DOT1L: variants seen among roughly 807,000 people sequenced by gnomAD.
DOT1L encodes DOT1 like histone lysine methyltransferase, also known as histone-lysine N-methyltransferase, H3 lysine-79 specific.
A neutral mutation model predicts 153.3 loss-of-function variants in DOT1L; 33 were observed. The observed-to-expected ratio is 0.22, with a 90% confidence interval of 0.16 to 0.29. The LOEUF (loss-of-function observed/expected upper bound fraction) is 0.29. Among genes scored for constraint, DOT1L ranks in the 10% least tolerant of loss-of-function variants. The pLI, the probability that DOT1L is intolerant of heterozygous loss-of-function variation, is 1.00. For missense variants in DOT1L, 1,847 were observed against 2,119.9 expected (o/e 0.87, Z 2.53); for synonymous variants, 1,135 against 965.1 (o/e 1.18, Z -3.26).
intron 27 of DOT1L, chr19:2,227,956 GC>G: frequency 8.0e-7 from 1 of 1,244,744 alleles, no homozygotes; most frequent in Non-Finnish European, 1.0e-6. Flanking sequence ...GCGCACCTGG[GC>G]CGGTCCCCCG....
rs764534851 is a variant in DOT1L at position 2,227,034 on chromosome 19, G to A, written c.4513G>A (p.Ala1505Thr). 6 of 1,581,642 alleles carry A rather than the reference G, an allele frequency of 3.8e-6. No homozygotes were observed. The highest frequency in any genetic ancestry group is 1.1e-5 in the South Asian group (1 of 88,932). Residue 1505 changes from alanine to threonine, a missense_variant, in exon 27 of 28, where the codon GCA (alanine) becomes ACA (threonine). By Grantham distance (58) the Ala-to-Thr change is moderately conservative. Transcript: ENST00000398665. The part of the protein sequence containing the change: ...QSLFSSVPAA[A>T]GLVHVSSAAT... ...GCTGTTCAGCTCTGTGCCGGCCGCC[G>A]CAGGCCTGGTGCACGTGTCGTCCGC...
intron 9 of DOT1L, among the ~76,000 whole-genome samples, 193 bp from the exon 10 acceptor site, chr19:2,206,536 A>AG (rs923575082): frequency 2.0e-5 from 3 of 151,928 alleles, no homozygotes; most frequent in African/African-American, 7.3e-5. Flanking sequence ...AAAAAAAAAA[A>AG]AAAAAAAAGT....
chr19:2,208,759 G>T lies in DOT1L; in HGVS notation c.964-176G>T, dbSNP rs549489123. 6.6e-6 allele frequency among the ~76,000 whole-genome samples: 1 copy of T among 152,240 alleles called. No individual in the cohort carries two copies. The highest frequency in any genetic ancestry group is 2.1e-4 in the South Asian group (1 of 4,828). The stretch of plus-strand genomic sequence containing the variant: ...TGAGGGTGACGCCTGGCCACAGCTG[G>T]GTTAGTCACATCCGCGTTTGCCACT... On this transcript the variant is annotated intron_variant, in intron 11 of 27. Transcript: ENST00000398665. This position sits in a 1 kb window ranked among gnomAD's most constrained non-coding sequence, Gnocchi z 4.4.
intron 2 of DOT1L, among the ~76,000 whole-genome samples, chr19:2,181,360 G>A (rs945609424): frequency 6.6e-6 from 1 of 152,182 alleles, no homozygotes; most frequent in Non-Finnish European, 1.5e-5. Flanking sequence ...TTGCTGGTCT[G>A]TTCCTTAGCA....
At chr19:2,214,041 CG>C in intron 18 of DOT1L, 55 bp downstream of exon 18, 1 of 1,573,854 alleles carries the variant, frequency 6.4e-7, no homozygotes, top group Non-Finnish European at 8.6e-7. Flanking sequence ...CCTGCCTGGG[CG>C]GGTGTGTCCT....
chr19:2,229,925 G>C lies in DOT1L; in HGVS notation c.*133G>C. On this transcript the variant is annotated 3_prime_UTR_variant, in exon 28 of 28. Transcript: ENST00000398665. ...CAAGGACGGACGGGAGCTCCACTGT[G>C]AATCGGCGGCACGCGCCGCAGGAGG... 6.5e-7 allele frequency: 1 copy of C among 1,527,272 alleles called. No individual in the cohort carries two copies. Among genetic ancestry groups the C allele is most frequent in the South Asian group, 1.1e-5 (1 of 88,992 alleles). The allele number at this position is 1,527,272 out of a possible 1,614,324, so 94.6% of individuals were successfully genotyped here.
chr19:2,201,439 T>C (rs2023278356), intron 8 of DOT1L, among the ~76,000 whole-genome samples: 1 of 152,218 alleles, frequency 6.6e-6, no homozygotes, highest in African/African-American at 2.4e-5. Context: ...TTCCCTGTGC[T>C]CTTCTTCCTC....
chr19:2,228,901 C>A, intron 27 of DOT1L: 1 of 985,394 alleles, frequency 1.0e-6, no homozygotes, highest in East Asian at 1.1e-4. Context: ...GCCTCGGATG[C>A]CCTCATAGGG....
At chr19:2,228,083 G>T (rs765445944) in intron 27 of DOT1L, 3 of 1,332,638 alleles carry the variant, frequency 2.3e-6, no homozygotes, top group Non-Finnish European at 3.0e-6. Flanking sequence ...CGTCCCTCCC[G>T]CCTAACCAAG....
rs548658346 is a variant in DOT1L, at chr19:2,190,039, G to A, written c.264+244G>A. On this transcript the variant is annotated intron_variant, in intron 4 of 27. Coordinates refer to ENST00000398665, the MANE Select transcript of DOT1L (RefSeq NM_032482.3). This position sits in a 1 kb window ranked among gnomAD's most constrained non-coding sequence, Gnocchi z 4.8. ...GGTTTGTGTGCTGAGGCAGGGCCCT[G>A]AGGGTTGTGGTGTCTGCACACGCCT... Among the ~76,000 whole-genome samples, 10 of 152,304 alleles carry A rather than the reference G, an allele frequency of 6.6e-5. No individual in the cohort carries two copies. The highest frequency in any genetic ancestry group is 2.4e-4 in the African/African-American group (10 of 41,570).
At chr19:2,201,390 C>T (rs902192020) in intron 8 of DOT1L, among the ~76,000 whole-genome samples, 1 of 151,750 alleles carries the variant, frequency 6.6e-6, no homozygotes, top group Non-Finnish European at 1.5e-5. Context: ...TCATCCTCCC[C>T]ATGCCTCTCG....
chr19:2,228,107 C>G lies in DOT1L; in HGVS notation c.4606+980C>G, dbSNP rs371660185. Reference sequence around the variant, plus strand: ...CGCCTAACCAAGCTTTCTTGCCCCCCACCTCTGCTGCCTCTCTGCCGCCTG... The same window carrying G: ...CGCCTAACCAAGCTTTCTTGCCCCCGACCTCTGCTGCCTCTCTGCCGCCTG... On this transcript the variant is annotated intron_variant, in intron 27 of 27. Transcript: ENST00000398665. 6.4e-5 allele frequency: 87 copies of G among 1,356,310 alleles called. No homozygotes were observed. In the African/African-American group the frequency reaches 1.2e-3, roughly 18 times the overall value. The allele number at this position is 1,356,310 out of a possible 1,614,324, so 84.0% of individuals were successfully genotyped here. A position where few individuals can be genotyped will look rare whatever the true frequency, so the allele number is the denominator to read the frequency against.
chr19:2,227,528 C>A, intron 27 of DOT1L: 1 of 541,932 alleles, frequency 1.8e-6, no homozygotes, highest in Non-Finnish European at 3.1e-6. Context: ...CCGGGGGGAG[C>A]GGCCTGGCCC....
At chr19:2,224,851 C>G (rs1452911734) in intron 25 of DOT1L, among the ~76,000 whole-genome samples, 1 of 152,204 alleles carries the variant, frequency 6.6e-6, no homozygotes, top group Non-Finnish European at 1.5e-5. Context: ...CCTGGATGCT[C>G]TGTTTTGCAT....
rs371575832 is a variant in DOT1L at position 2,230,852 on chromosome 19, C to T, written c.*1060C>T. On this transcript the variant is annotated 3_prime_UTR_variant, in exon 28 of 28. Transcript: ENST00000398665. Reference sequence around the variant, plus strand: ...CCAGCAGCCCAGACAGAGCTGCCGGCGCCCCTGCCTGCCCCACATCCCTTC... The same window carrying T: ...CCAGCAGCCCAGACAGAGCTGCCGGTGCCCCTGCCTGCCCCACATCCCTTC... 9.1e-5 allele frequency: 32 copies of T among 352,378 alleles called. No individual in the cohort carries two copies. The South Asian group carries it at 2.0e-3, about 22-fold the overall frequency. The allele number at this position is 352,378 out of a possible 1,614,324, so 21.8% of individuals were successfully genotyped here.
At chr19:2,167,274 G>C (rs771342762) in intron 1 of DOT1L, among the ~76,000 whole-genome samples, 2 of 152,214 alleles carry the variant, frequency 1.3e-5, no homozygotes, top group Non-Finnish European at 2.9e-5. Flanking sequence ...GTTGCCACTT[G>C]TCAGTGCTAA....
intron 1 of DOT1L, among the ~76,000 whole-genome samples, chr19:2,165,770 T>C (rs1292245221): frequency 1.2e-5 from 1 of 80,322 alleles, no homozygotes. Context: ...TGGCTTCACA[T>C]TTTTTTTTTT....
chr19:2,180,789 C>T lies in DOT1L; in HGVS notation c.125+33C>T, dbSNP rs368990355. Reference sequence around the variant, plus strand: ...CACGGCCTGCAGTGTGTTGTCTTCACAGCCCTGAGCCACTTCCGTGGACAC... The same window carrying T: ...CACGGCCTGCAGTGTGTTGTCTTCATAGCCCTGAGCCACTTCCGTGGACAC... On this transcript the variant is annotated intron_variant, in intron 2 of 27. Coordinates refer to ENST00000398665, the MANE Select transcript of DOT1L (RefSeq NM_032482.3). 7 of 1,612,664 alleles carry T rather than the reference C, an allele frequency of 4.3e-6. No homozygotes were observed. The African/African-American group carries it at 8.0e-5, about 18-fold the overall frequency.
intron 8 of DOT1L, among the ~76,000 whole-genome samples, chr19:2,201,247 TCATTCCTCGTCCTCCCCG>T (rs1376729460): frequency 4.5e-4 from 52 of 115,610 alleles, no homozygotes; most frequent in South Asian, 3.9e-3. Context: ...CGTCCTCCCC[TCATTCCTCGTCCTCCCCG>T]CATTCCTCGT....
Sources: allele counts gnomAD v4.1 joint callset (sites outside exome capture counted in the v4.1 genomes callset), GRCh38; gene constraint gnomAD v4.1.1; non-coding constraint Gnocchi (gnomAD v3.1); transcripts MANE v1.5; gene names NCBI Gene and HGNC (gene_info 2026-07-23, HGNC 2026-07-21).